The following FREM3 variants were observed in gnomAD, a reference collection of about 807,000 sequenced individuals.
The protein encoded by FREM3 is FRAS1 related extracellular matrix 3, also known as FRAS1-related extracellular matrix protein 3.
Under a neutral mutation model 129.1 loss-of-function variants are expected in FREM3, and 105 were observed. The observed-to-expected ratio is 0.81, with a 90% CI of 0.69 to 0.96. The LOEUF is 0.96. FREM3 is among the 40% of genes least tolerant of loss of function. The pLI is 0.00. For missense variants in FREM3, 2,593 were observed against 2,666.3 expected (o/e 0.97, Z 0.61); for synonymous variants, 1,014 against 1,044.9 (o/e 0.97, Z 0.57).
At chr4:143,695,359 C>T (rs547854979) in intron 1 of FREM3, 132 bp downstream of exon 1, 29 of 747,696 alleles carry the variant, frequency 3.9e-5, no homozygotes, top group East Asian at 1.1e-4. Flanking sequence ...AATAGTTTCA[C>T]GCTTCACTGT....
At chr4:143,673,653 C>G (rs930321838) in intron 2 of FREM3, among the ~76,000 whole-genome samples, 1 of 152,244 alleles carries the variant, frequency 6.6e-6, no homozygotes, top group East Asian at 1.9e-4. Context: ...GCAGAGGTTT[C>G]TGCTGCCTTT....
At position 143,585,887 on chromosome 4, in the gene FREM3, G is replaced by A. The variant is rs765663675; in HGVS notation, c.6135C>T (p.Ser2045=). Residue 2045 remains serine, a synonymous_variant, in exon 7 of 8, where the codon TCC becomes TCT. Transcript: ENST00000329798. The surrounding 1 kb of genome is among the most constrained non-coding windows in gnomAD (Gnocchi z 4.2). ...CTGACTTTCTGGAGCGCACGGCGAT[G>A]GATGATGGTTGGGAAAGATCAGTGC... The part of the protein sequence containing the change: ...RRGTDLSQPS[S]IAVRSRKSEQ... 2 of 1,537,342 alleles carry A rather than the reference G, an allele frequency of 1.3e-6. No individual in the cohort carries two copies. The highest frequency in any genetic ancestry group is 2.4e-5 in the East Asian group (1 of 40,922).
chr4:143,651,968 C>G (rs1739518933), intron 2 of FREM3, among the ~76,000 whole-genome samples: 1 of 152,024 alleles, frequency 6.6e-6, no homozygotes, highest in South Asian at 2.1e-4. Context: ...ACTAATAGTT[C>G]AAAAGATTTT....
chr4:143,627,525 T>G, intron 3 of FREM3, 89 bp downstream of exon 3: 1 of 1,114,586 alleles, frequency 9.0e-7, no homozygotes, highest in Non-Finnish European at 1.3e-6. Context: ...TTCTTTATTC[T>G]CTTTCAGTAT....
intron 2 of FREM3, among the ~76,000 whole-genome samples, chr4:143,643,046 G>A (rs1739349561): frequency 1.3e-5 from 2 of 152,262 alleles, no homozygotes; most frequent in Non-Finnish European, 2.9e-5. Flanking sequence ...TCAAGGAAAT[G>A]CAAATCAAAA....
At chr4:143,597,832 A>G (rs1437914163) in intron 6 of FREM3, among the ~76,000 whole-genome samples, 7 of 152,232 alleles carry the variant, frequency 4.6e-5, no homozygotes. Flanking sequence ...ACTGAAGGCA[A>G]TCTACAGATT....
intron 2 of FREM3, among the ~76,000 whole-genome samples, chr4:143,654,657 A>G (rs1481155914): frequency 6.6e-6 from 1 of 152,140 alleles, no homozygotes; most frequent in Non-Finnish European, 1.5e-5. Flanking sequence ...TTTCCACTAA[A>G]TGTGTTTTAT....
intron 6 of FREM3, among the ~76,000 whole-genome samples, chr4:143,608,661 A>G (rs1483832690): frequency 6.6e-6 from 1 of 152,208 alleles, no homozygotes; most frequent in Non-Finnish European, 1.5e-5. Flanking sequence ...GTAAAATTAT[A>G]TAATGCACTT....
rs1285433426 is a variant in FREM3 at position 143,697,954 on chromosome 4, G to T, written c.2722C>A (p.Gln908Lys). The change falls in exon 1 of 8, where the codon CAG becomes AAG. Residue 908 changes from glutamine to lysine, a missense_variant. This residue lies in a region of FREM3 where 2,276 missense variants were observed against 2,267.2 expected (regional missense o/e 1.00). Transcript: ENST00000329798. ...GSVSYQHGRD[Q>K]TTTSDTFHLE... ...TGGAAAGTGTCACTGGTAGTCGTCT[G>T]GTCTCTGCCATGCTGGTAAGAGACA... is the stretch of plus-strand genomic sequence containing the variant. 1 of 1,537,704 alleles carries T rather than the reference G, an allele frequency of 6.5e-7. No individual in the cohort carries two copies. The highest frequency in any genetic ancestry group is 1.2e-5 in the South Asian group (1 of 84,044).
At chr4:143,603,619 A>G (rs965788028) in intron 6 of FREM3, among the ~76,000 whole-genome samples, 2 of 152,102 alleles carry the variant, frequency 1.3e-5, no homozygotes, top group African/African-American at 4.8e-5. Flanking sequence ...TTTGGAAATA[A>G]TTTGTGTATT....
At chr4:143,592,110 C>T (rs1229782569) in intron 6 of FREM3, among the ~76,000 whole-genome samples, 1 of 152,138 alleles carries the variant, frequency 6.6e-6, no homozygotes, top group Non-Finnish European at 1.5e-5. Context: ...TTCCTCCATC[C>T]CTTTATTTTG....
At position 143,613,623 on chromosome 4, in the gene FREM3, C is replaced by T. The variant is rs558964521; in HGVS notation, c.5780-2096G>A. ...GAAAAAAGGTCTTAAGCTCTTACAA[C>T]AATCTGATTAAATAGCATACAACTT... is the stretch of plus-strand genomic sequence containing the variant. On this transcript the variant is annotated intron_variant, in intron 5 of 7. Transcript: ENST00000329798. 2.0e-5 allele frequency among the ~76,000 whole-genome samples: 3 copies of T among 152,196 alleles called. No individual in the cohort carries two copies. In the South Asian group the frequency reaches 6.2e-4, roughly 32 times the overall value.
intron 6 of FREM3, among the ~76,000 whole-genome samples, chr4:143,593,239 A>G (rs1036833524): frequency 2.0e-5 from 3 of 152,156 alleles, no homozygotes; most frequent in African/African-American, 4.8e-5. Context: ...TCAACTCGTC[A>G]AAGTCATTCT....
At chr4:143,669,420 G>A (rs1739925277) in intron 2 of FREM3, among the ~76,000 whole-genome samples, 3 of 152,128 alleles carry the variant, frequency 2.0e-5, no homozygotes. Flanking sequence ...TGGACTACAG[G>A]CGTGAACCGC....
At chr4:143,591,582 T>A (rs577330268) in intron 6 of FREM3, among the ~76,000 whole-genome samples, 54 of 152,362 alleles carry the variant, frequency 3.5e-4, no homozygotes, top group African/African-American at 1.3e-3. Flanking sequence ...AGTAGTAGTT[T>A]GATTGCACTG....
intron 6 of FREM3, among the ~76,000 whole-genome samples, chr4:143,604,963 C>T (rs942214382): frequency 2.0e-5 from 3 of 152,040 alleles, no homozygotes; most frequent in African/African-American, 7.2e-5. Context: ...ATTAAAAAGG[C>T]TTAATTCATT....
chr4:143,611,612 T>G, intron 5 of FREM3, 85 bp from the exon 6 acceptor site: 2 of 1,219,752 alleles, frequency 1.6e-6, no homozygotes, highest in Non-Finnish European at 2.3e-6. Context: ...TAATGTATTT[T>G]TAGATAATAG....
chr4:143,685,067 A>T (rs542650827), intron 2 of FREM3, among the ~76,000 whole-genome samples: 129 of 152,324 alleles, frequency 8.5e-4, no homozygotes, highest in African/African-American at 3.0e-3. Context: ...CCAAAAATTT[A>T]AAAAACATTT....
intron 6 of FREM3, among the ~76,000 whole-genome samples, chr4:143,588,877 C>G (rs1738298471): frequency 6.6e-6 from 1 of 150,464 alleles, no homozygotes; most frequent in African/African-American, 2.5e-5. Context: ...AAAAGTGTTC[C>G]TATTTCTCCA....
Sources: gnomAD v4.1 joint callset for allele counts (sites outside exome capture counted in the v4.1 genomes callset) on GRCh38, gnomAD v4.1.1 for gene constraint, gnomAD v4.1.1 regional missense constraint, Gnocchi (gnomAD v3.1) non-coding constraint, MANE v1.5 for transcripts, NCBI Gene and HGNC (gene_info 2026-07-23, HGNC 2026-07-21) for gene names.